Variants in HERC4 observed in about 807,000 individuals in gnomAD.
HERC4 encodes probable E3 ubiquitin-protein ligase HERC4.
Under a neutral mutation model 124.3 loss-of-function variants are expected in HERC4, and 28 were observed. That is an observed-to-expected ratio of 0.23 (90% CI 0.17 to 0.31). The LOEUF is 0.31. HERC4 is among the 10% of genes least tolerant of loss of function. The pLI is 1.00. For missense variants in HERC4, 713 were observed against 1,229.3 expected, an observed-to-expected ratio of 0.58 and a Z score of 6.28; for synonymous variants, 407 against 421.5, an observed-to-expected ratio of 0.97 and a Z score of 0.42.
chr10:68,045,349 G>A (rs116991245), intron 3 of HERC4, among the ~76,000 whole-genome samples: 2,041 of 152,166 alleles, frequency 0.013, 17 homozygotes, highest in Middle Eastern at 0.034. Context: ...GGAAATTAAG[G>A]AAATAATCTG....
At chr10:67,940,836 A>T in intron 20 of HERC4, 103 bp downstream of exon 20, 1 of 1,013,200 alleles carries the variant, frequency 9.9e-7, no homozygotes. Context: ...AAATTTAACA[A>T]GAAGAACAAA....
intron 3 of HERC4, among the ~76,000 whole-genome samples, chr10:68,063,568 T>C (rs1305412583): frequency 1.3e-5 from 2 of 152,196 alleles, no homozygotes; most frequent in African/African-American, 4.8e-5. Flanking sequence ...CTTCATAAAA[T>C]GAGACACAAC....
At chr10:67,981,791 C>T (rs1354642367) in intron 15 of HERC4, among the ~76,000 whole-genome samples, 1 of 152,014 alleles carries the variant, frequency 6.6e-6, no homozygotes, top group East Asian at 1.9e-4. Context: ...AACCCCATCT[C>T]TACTAAAAAA....
intron 23 of HERC4, among the ~76,000 whole-genome samples, chr10:67,931,133 C>T (rs138975163): frequency 9.5e-4 from 144 of 151,632 alleles, no homozygotes; most frequent in African/African-American, 3.3e-3. Context: ...TATAGGCGTG[C>T]GACACTATGC....
chr10:68,059,462 A>AATATTATATATTATAATATTATATATT (rs1189864457), intron 3 of HERC4, among the ~76,000 whole-genome samples: 1 of 132,896 alleles, frequency 7.5e-6, no homozygotes, highest in Non-Finnish European at 1.5e-5. Flanking sequence ...ATATTATAAT[A>AATATTATATATTATAATATTATATATT]ATATTATATA....
chr10:68,040,722 C>T (rs2039720652), intron 4 of HERC4, among the ~76,000 whole-genome samples: 1 of 151,838 alleles, frequency 6.6e-6, no homozygotes, highest in Admixed American at 6.6e-5. Flanking sequence ...AACCCCGTCT[C>T]TACTAAAAAT....
chr10:68,006,731 G>C (rs1272384231), intron 9 of HERC4, among the ~76,000 whole-genome samples: 2 of 152,016 alleles, frequency 1.3e-5, no homozygotes, highest in African/African-American at 4.8e-5. Context: ...CACATCTGAA[G>C]GATATTTTCA....
intron 3 of HERC4, among the ~76,000 whole-genome samples, chr10:68,052,936 T>C (rs1284458411): frequency 1.3e-5 from 2 of 152,170 alleles, no homozygotes; most frequent in East Asian, 3.9e-4. Flanking sequence ...TCCAGACTTG[T>C]TTTATACCTT....
At chr10:67,934,206 A>G (rs2032116837) in intron 22 of HERC4, among the ~76,000 whole-genome samples, 1 of 152,190 alleles carries the variant, frequency 6.6e-6, no homozygotes, top group Admixed American at 6.5e-5. Context: ...TTATATTTAT[A>G]TAACAATTTT....
At chr10:68,063,561 CATAAA>C (rs1275509997) in intron 3 of HERC4, among the ~76,000 whole-genome samples, 1 of 152,150 alleles carries the variant, frequency 6.6e-6, no homozygotes, top group African/African-American at 2.4e-5. Flanking sequence ...GTATAAACTT[CATAAA>C]ATGAGACACA....
chr10:67,982,671 A>G (rs2036001945), intron 15 of HERC4, among the ~76,000 whole-genome samples: 2 of 152,202 alleles, frequency 1.3e-5, no homozygotes, highest in Non-Finnish European at 2.9e-5. Context: ...AACAGTCAAC[A>G]AACAGAATGG....
chr10:67,957,271 A>G (rs2034200409), intron 16 of HERC4, among the ~76,000 whole-genome samples: 1 of 152,146 alleles, frequency 6.6e-6, no homozygotes, highest in East Asian at 1.9e-4. Context: ...GAGGTTGCAA[A>G]TTTGTTCTAA....
chr10:67,936,122 A>T, intron 22 of HERC4, 31 bp downstream of exon 22: 10 of 1,380,398 alleles, frequency 7.2e-6, no homozygotes, highest in Non-Finnish European at 9.0e-6. Flanking sequence ...GAATCTTATT[A>T]CTCCCACTGT....
At chr10:67,954,365 C>G (rs557963061) in intron 19 of HERC4, 1 of 348,236 alleles carries the variant, frequency 2.9e-6, no homozygotes, top group South Asian at 1.2e-4. Flanking sequence ...ACATTATTTT[C>G]TGGCTAACCA....
intron 16 of HERC4, among the ~76,000 whole-genome samples, chr10:67,963,331 C>G (rs1261635847): frequency 6.6e-6 from 1 of 152,152 alleles, no homozygotes; most frequent in Non-Finnish European, 1.5e-5. Context: ...ATTCTCCTGC[C>G]TCAGCCTCCT....
chr10:68,018,748 G>A (rs2038415806), intron 8 of HERC4, among the ~76,000 whole-genome samples: 1 of 152,040 alleles, frequency 6.6e-6, no homozygotes, highest in South Asian at 2.1e-4. Context: ...AGATATGCAT[G>A]ACCTCTATGA....
intron 23 of HERC4, among the ~76,000 whole-genome samples, chr10:67,931,435 C>T (rs1038012907): frequency 1.3e-5 from 2 of 152,038 alleles, no homozygotes; most frequent in African/African-American, 4.8e-5. Flanking sequence ...TGAGGCAGAA[C>T]GAAAACCCAT....
At chr10:67,955,278 C>A in intron 17 of HERC4, 148 bp from the exon 18 acceptor site, 1 of 625,862 alleles carries the variant, frequency 1.6e-6, no homozygotes, top group Non-Finnish European at 2.6e-6. Context: ...TCCCGTACAG[C>A]ATAAAACTTA....
chr10:67,968,551 AT>A lies in HERC4; in HGVS notation c.1807-1750del, dbSNP rs2035037182. Among the ~76,000 whole-genome samples, 4 of 151,554 alleles carry A rather than the reference AT, an allele frequency of 2.6e-5. 1 individual carries two copies. The highest frequency in any genetic ancestry group is 6.8e-3 in the Middle Eastern group (2 of 294). The stretch of plus-strand genomic sequence containing the variant: ...CCACCTCTGGCTAATTTTTTTTTGT[AT>A]TTTTAGTAGAGATGGGGTTTCACCA... On this transcript the variant is annotated intron_variant, in intron 15 of 24. Coordinates refer to ENST00000373700, the MANE Select transcript of HERC4 (RefSeq NM_015601.4).
Sources: gnomAD v4.1 joint callset for allele counts (sites outside exome capture counted in the v4.1 genomes callset) on GRCh38, gnomAD v4.1.1 for gene constraint, MANE v1.5 for transcripts, NCBI Gene and HGNC (gene_info 2026-07-23, HGNC 2026-07-21) for gene names.